Variants in DLGAP1 observed in about 807,000 individuals in gnomAD.
DLGAP1 encodes the protein DLG associated protein 1.
In DLGAP1, 11 loss-of-function variants were observed where a neutral mutation model predicts 90.8. That is an observed-to-expected ratio of 0.12 (90% confidence interval 0.08 to 0.20). The LOEUF (loss-of-function observed/expected upper bound fraction) is 0.20. DLGAP1 is among the 10% of genes least tolerant of loss of function. The probability of loss-of-function intolerance (pLI) is 1.00; values close to 1 mark genes in which losing one functional copy is unlikely to be tolerated. For synonymous variants in DLGAP1, 558 were observed against 540.7 expected (o/e 1.03, Z -0.44); for missense variants, 1,050 against 1,333.8 (o/e 0.79, Z 3.31).
chr18:3,606,671 C>T (rs537274838), intron 7 of DLGAP1: 58 of 152,228 alleles, frequency 3.8e-4, no homozygotes, highest in African/African-American at 1.3e-3. Flanking sequence ...GACATCAAGT[C>T]GTTACAGCCA....
At chr18:3,785,714 G>T (rs779555237) in intron 5 of DLGAP1, among the ~76,000 whole-genome samples, 1 of 152,160 alleles carries the variant, frequency 6.6e-6, no homozygotes, top group African/African-American at 2.4e-5. Flanking sequence ...CTGAGATAGC[G>T]AATGAGATTT....
chr18:3,780,420 C>T (rs572211039), intron 5 of DLGAP1, among the ~76,000 whole-genome samples: 3 of 152,268 alleles, frequency 2.0e-5, no homozygotes, highest in Admixed American at 6.5e-5. Flanking sequence ...AGGGGAGAAG[C>T]TCTTTCCTTG....
chr18:3,879,505 G>C lies in DLGAP1; in HGVS notation c.564C>G (p.Arg188=). The change falls in exon 4 of 13, where the codon CGC becomes CGG. Residue 188 remains arginine (R), a synonymous_variant. Transcript: ENST00000315677. The surrounding 1 kb of genome is among the most constrained non-coding windows in gnomAD (Gnocchi z 6.6). ...TGCTGGGCCGGGCCTTGGGCTCCGC[G>C]CGCCGCTCCTTGCTCTTGCTGCGTT... The part of the protein sequence containing the change: ...YGKRSKSKER[R]AEPKARPSTS... The C allele has an allele frequency of 1.9e-6, 3 of 1,603,310 alleles. No homozygotes were observed. Among genetic ancestry groups the C allele is most frequent in the Non-Finnish European group, 2.5e-6 (3 of 1,179,658 alleles).
At chr18:3,911,256 T>A (rs1245009269) in intron 3 of DLGAP1, among the ~76,000 whole-genome samples, 2 of 152,208 alleles carry the variant, frequency 1.3e-5, no homozygotes, top group Non-Finnish European at 2.9e-5. Context: ...TGCACAGTAG[T>A]TGGCTTATCA....
intron 7 of DLGAP1, among the ~76,000 whole-genome samples, chr18:3,646,904 A>C (rs192297719): frequency 6.6e-6 from 1 of 151,944 alleles, no homozygotes; most frequent in African/African-American, 2.4e-5. Context: ...CAGCCTGGGC[A>C]ACAGGGCGAG....
At chr18:3,715,431 G>A (rs1394161976) in intron 7 of DLGAP1, among the ~76,000 whole-genome samples, 4 of 152,200 alleles carry the variant, frequency 2.6e-5, no homozygotes, top group Admixed American at 6.5e-5. Flanking sequence ...ACAGGTGTAC[G>A]AGAAAGCATT....
intron 4 of DLGAP1, among the ~76,000 whole-genome samples, chr18:3,865,426 C>T (rs575782953): frequency 6.6e-6 from 1 of 152,236 alleles, no homozygotes; most frequent in South Asian, 2.1e-4. Context: ...CTATTACAAC[C>T]TTTTTATATA....
At chr18:3,576,983 C>T (rs2055192850) in intron 8 of DLGAP1, among the ~76,000 whole-genome samples, 1 of 152,066 alleles carries the variant, frequency 6.6e-6, no homozygotes, top group Non-Finnish European at 1.5e-5. Context: ...CTGCCTCAGC[C>T]TCCTAAGTAG....
At chr18:4,050,002 C>T (rs898702246) in intron 2 of DLGAP1, among the ~76,000 whole-genome samples, 2 of 152,184 alleles carry the variant, frequency 1.3e-5, no homozygotes, top group South Asian at 4.1e-4. Context: ...GGAACTTACT[C>T]TTTGCCAGCC....
At position 4,342,785 on chromosome 18, in the gene DLGAP1, G is replaced by T. The variant is rs894727169; in HGVS notation, c.-267+112221C>A. Among the ~76,000 whole-genome samples, 1 of 152,070 alleles carries T rather than the reference G, an allele frequency of 6.6e-6. No homozygotes were observed. Among genetic ancestry groups the T allele is most frequent in the Admixed American group, 6.6e-5 (1 of 15,262 alleles). On this transcript the variant is annotated intron_variant, in intron 1 of 12. Transcript: ENST00000315677. The surrounding 1 kb of genome is among the most constrained non-coding windows in gnomAD (Gnocchi z 5.8). Reference sequence around the variant, plus strand: ...ACACTGGAAATAAACCCCCCAAAATGAAGAATATTTAATAGACAGAAAATC... The same window carrying T: ...ACACTGGAAATAAACCCCCCAAAATTAAGAATATTTAATAGACAGAAAATC...
intron 1 of DLGAP1, among the ~76,000 whole-genome samples, chr18:4,302,235 G>A (rs1003780431): frequency 6.6e-6 from 1 of 152,132 alleles, no homozygotes; most frequent in Non-Finnish European, 1.5e-5. Context: ...AGGTTGTGTA[G>A]TTTTTCCCCC....
At chr18:3,504,240 A>G (rs1187824401) in intron 11 of DLGAP1, among the ~76,000 whole-genome samples, 3 of 152,224 alleles carry the variant, frequency 2.0e-5, no homozygotes, top group Admixed American at 6.5e-5. Context: ...TCAGAATACT[A>G]CAGAGAAACC....
intron 7 of DLGAP1, among the ~76,000 whole-genome samples, chr18:3,600,759 TATATAGATATATATAG>T (rs2056883366): frequency 1.4e-5 from 1 of 73,382 alleles, no homozygotes; most frequent in East Asian, 3.1e-4. Context: ...TATATATAGA[TATATAGATATATATAG>T]ATATATAGAT....
chr18:3,915,276 T>C (rs34254718), intron 3 of DLGAP1, among the ~76,000 whole-genome samples: 28,051 of 152,184 alleles, frequency 0.18, 2,977 homozygotes, highest in African/African-American at 0.29. Flanking sequence ...TATCATAAGC[T>C]GAGTTTAATA....
chr18:4,409,438 C>A (rs567079053), intron 1 of DLGAP1, among the ~76,000 whole-genome samples: 1 of 152,182 alleles, frequency 6.6e-6, no homozygotes, highest in African/African-American at 2.4e-5. Context: ...ACCTTTTGGT[C>A]TTCTTATCTC....
chr18:4,253,539 T>G (rs1815590782), intron 1 of DLGAP1, among the ~76,000 whole-genome samples: 1 of 152,114 alleles, frequency 6.6e-6, no homozygotes, highest in African/African-American at 2.4e-5. Flanking sequence ...GCCTCCCAAG[T>G]AGCTGGGATT....
intron 10 of DLGAP1, among the ~76,000 whole-genome samples, chr18:3,520,748 A>G (rs148937717): frequency 5.3e-5 from 8 of 152,342 alleles, no homozygotes; most frequent in Admixed American, 2.0e-4. Context: ...TGGGTACTTT[A>G]TTATGGCAGC....
chr18:4,390,500 A>G (rs1426597100), intron 1 of DLGAP1, among the ~76,000 whole-genome samples: 2 of 152,038 alleles, frequency 1.3e-5, no homozygotes, highest in African/African-American at 4.8e-5. Context: ...ACTGCCCTAA[A>G]AATTCTCTGT....
chr18:4,365,485 A>G (rs1179299726), intron 1 of DLGAP1, among the ~76,000 whole-genome samples: 1 of 152,158 alleles, frequency 6.6e-6, no homozygotes, highest in East Asian at 1.9e-4. Flanking sequence ...AATTAGAATG[A>G]TGATTATGTA....
Sources: gnomAD v4.1 joint callset for allele counts (sites outside exome capture counted in the v4.1 genomes callset) on GRCh38, gnomAD v4.1.1 for gene constraint, Gnocchi (gnomAD v3.1) non-coding constraint, MANE v1.5 for transcripts, NCBI Gene and HGNC (gene_info 2026-07-23, HGNC 2026-07-21) for gene names.